NKAIN3: variants seen among roughly 807,000 people sequenced by gnomAD.
The protein encoded by NKAIN3 is sodium/potassium-transporting ATPase subunit beta-1-interacting protein 3.
In NKAIN3, 25 loss-of-function variants were observed where a neutral mutation model predicts 30.2. That is an observed-to-expected ratio of 0.83 (90% confidence interval 0.60 to 1.16). The LOEUF is 1.16. Ranked by LOEUF, NKAIN3 falls within the 50% of genes most tolerant of loss-of-function variation. The pLI, the probability that NKAIN3 is intolerant of heterozygous loss-of-function variation, is 0.00. For missense variants in NKAIN3, 225 were observed against 254.1 expected (o/e 0.89, Z 0.78); for synonymous variants, 91 against 89.6 (o/e 1.02, Z -0.09).
intron 1 of NKAIN3, among the ~76,000 whole-genome samples, chr8:62,287,650 T>C (rs1359792184): frequency 6.6e-6 from 1 of 152,158 alleles, no homozygotes; most frequent in Non-Finnish European, 1.5e-5. Flanking sequence ...CTACTAAATG[T>C]AAAATAAAAT....
At chr8:62,467,693 G>A (rs572493551) in intron 1 of NKAIN3, among the ~76,000 whole-genome samples, 93 of 152,216 alleles carry the variant, frequency 6.1e-4, no homozygotes, top group Non-Finnish European at 9.4e-4. Flanking sequence ...ACATCAAAGA[G>A]AGTAACCATG....
intron 1 of NKAIN3, among the ~76,000 whole-genome samples, chr8:62,575,150 G>C (rs1181766301): frequency 6.6e-6 from 1 of 151,990 alleles, no homozygotes. Context: ...GAAATAAAAG[G>C]CATCAAATTG....
At chr8:62,444,987 C>T (rs537938277) in intron 1 of NKAIN3, among the ~76,000 whole-genome samples, 11 of 152,168 alleles carry the variant, frequency 7.2e-5, no homozygotes, top group South Asian at 2.1e-4. Context: ...CGCTCTGTCA[C>T]CAGGCTGGAG....
intron 1 of NKAIN3, among the ~76,000 whole-genome samples, chr8:62,392,258 C>T (rs889011702): frequency 6.6e-6 from 1 of 151,828 alleles, no homozygotes; most frequent in Non-Finnish European, 1.5e-5. Flanking sequence ...TAATTTAAAA[C>T]CAAATAAACA....
intron 4 of NKAIN3, chr8:62,856,929 C>T: frequency 1.7e-6 from 1 of 577,358 alleles, no homozygotes; most frequent in Non-Finnish European, 3.3e-6. Context: ...CATCTTTACT[C>T]TGAGATTCAA....
chr8:62,480,151 C>T (rs1391909402), intron 1 of NKAIN3, among the ~76,000 whole-genome samples: 4 of 152,048 alleles, frequency 2.6e-5, no homozygotes, highest in South Asian at 2.1e-4. Flanking sequence ...ACCAATATTT[C>T]CCCCTTTCCC....
At chr8:62,776,680 C>G (rs932375038) in intron 4 of NKAIN3, among the ~76,000 whole-genome samples, 1 of 151,968 alleles carries the variant, frequency 6.6e-6, no homozygotes, top group Non-Finnish European at 1.5e-5. Flanking sequence ...AGTTGTTGTA[C>G]TTATTATTTT....
chr8:62,881,722 C>G (rs561512941), intron 4 of NKAIN3, among the ~76,000 whole-genome samples: 1 of 152,154 alleles, frequency 6.6e-6, no homozygotes, highest in Non-Finnish European at 1.5e-5. Flanking sequence ...TTTGTGCAAA[C>G]ATGTTTTAAA....
chr8:62,609,234 T>C (rs1216463338), intron 3 of NKAIN3, among the ~76,000 whole-genome samples: 1 of 152,188 alleles, frequency 6.6e-6, no homozygotes, highest in Non-Finnish European at 1.5e-5. Flanking sequence ...TTTGCATTTA[T>C]ATTGTATTTT....
chr8:62,581,371 C>A (rs146340068), intron 2 of NKAIN3, among the ~76,000 whole-genome samples: 1 of 152,144 alleles, frequency 6.6e-6, no homozygotes, highest in East Asian at 1.9e-4. Context: ...TATTCTGCTG[C>A]GAAACAAAAT....
intron 4 of NKAIN3, among the ~76,000 whole-genome samples, chr8:62,752,809 A>T (rs962048516): frequency 2.0e-5 from 3 of 152,046 alleles, no homozygotes; most frequent in Non-Finnish European, 1.5e-5. Flanking sequence ...AGTATGTAAA[A>T]TTTTTTTTAA....
intron 5 of NKAIN3, among the ~76,000 whole-genome samples, chr8:62,992,043 G>C (rs1425339071): frequency 2.0e-5 from 3 of 151,152 alleles, no homozygotes; most frequent in Non-Finnish European, 4.4e-5. Flanking sequence ...CTTTTAGACA[G>C]AGTCTCGCTT....
chr8:62,516,991 T>C (rs904699708), intron 1 of NKAIN3, among the ~76,000 whole-genome samples: 19 of 152,180 alleles, frequency 1.2e-4, no homozygotes, highest in African/African-American at 4.6e-4. Flanking sequence ...TTATAAATCT[T>C]TTACTGATTT....
At chr8:62,783,488 G>A (rs2130656967) in intron 4 of NKAIN3, among the ~76,000 whole-genome samples, 1 of 151,972 alleles carries the variant, frequency 6.6e-6, no homozygotes, top group African/African-American at 2.4e-5. Context: ...AGGTGGAGCA[G>A]AATGAGACAC....
intron 4 of NKAIN3, chr8:62,855,240 G>T (rs867856474): frequency 2.4e-6 from 1 of 419,712 alleles, no homozygotes; most frequent in Non-Finnish European, 4.5e-6. Flanking sequence ...ATTTTAACTG[G>T]CTGGGAACAA....
chr8:62,513,739 C>T (rs1048309893), intron 1 of NKAIN3, among the ~76,000 whole-genome samples: 17 of 151,224 alleles, frequency 1.1e-4, no homozygotes, highest in East Asian at 2.0e-4. Flanking sequence ...GGTGTGGTGG[C>T]GCACACATGT....
intron 1 of NKAIN3, among the ~76,000 whole-genome samples, chr8:62,271,725 A>T (rs1812784562): frequency 6.6e-6 from 1 of 152,208 alleles, no homozygotes; most frequent in African/African-American, 2.4e-5. Context: ...TTTAGAGATC[A>T]TCTACTACAG....
At chr8:62,553,052 G>A (rs930113673) in intron 1 of NKAIN3, among the ~76,000 whole-genome samples, 8 of 152,110 alleles carry the variant, frequency 5.3e-5, no homozygotes, top group Non-Finnish European at 1.2e-4. Flanking sequence ...AGCAATTTGG[G>A]GAAGAATGAC....
chr8:62,609,211 G>A (rs1380640252), intron 3 of NKAIN3, among the ~76,000 whole-genome samples: 1 of 152,062 alleles, frequency 6.6e-6, no homozygotes, highest in East Asian at 1.9e-4. Context: ...ACATAGAGTT[G>A]TTTTATTATT....
Sources: allele counts gnomAD v4.1 joint callset (sites outside exome capture counted in the v4.1 genomes callset), GRCh38; gene constraint gnomAD v4.1.1; transcripts MANE v1.5; gene names NCBI Gene and HGNC (gene_info 2026-07-23, HGNC 2026-07-21).